Variants in PTPRQ observed in about 807,000 individuals in gnomAD.
PTPRQ encodes phosphatidylinositol phosphatase PTPRQ.
PTPRQ carries 199 observed loss-of-function variants against 246.0 expected under a neutral mutation model. The observed-to-expected ratio is 0.81, with a 90% CI of 0.72 to 0.91. PTPRQ has a LOEUF of 0.91. Ranked by LOEUF, PTPRQ falls within the 40% of genes least tolerant of loss-of-function variation. The pLI, the probability that PTPRQ is intolerant of heterozygous loss-of-function variation, is 0.00. For synonymous variants in PTPRQ, 869 were observed against 853.2 expected, an observed-to-expected ratio of 1.02 and a Z score of -0.32; for missense variants, 2,624 against 2,528.4, an observed-to-expected ratio of 1.04 and a Z score of -0.81.
At chr12:80,585,959 C>T (rs1897603189) in intron 25 of PTPRQ, among the ~76,000 whole-genome samples, 1 of 147,772 alleles carries the variant, frequency 6.8e-6, no homozygotes, top group Admixed American at 6.8e-5. Context: ...GTTCAATTCC[C>T]ACCTATGAGT....
chr12:80,451,165 T>C (rs1305530264), intron 3 of PTPRQ, among the ~76,000 whole-genome samples: 2 of 152,134 alleles, frequency 1.3e-5, no homozygotes, highest in African/African-American at 2.4e-5. Context: ...TTTATTTGCA[T>C]AGAGGTGTTT....
intron 24 of PTPRQ, among the ~76,000 whole-genome samples, chr12:80,548,170 AC>A (rs1286493283): frequency 6.6e-6 from 1 of 152,038 alleles, no homozygotes; most frequent in East Asian, 1.9e-4. Flanking sequence ...ATAAAATTGT[AC>A]CCCAACATTC....
chr12:80,521,508 A>C (rs1202726925), intron 17 of PTPRQ, among the ~76,000 whole-genome samples: 1 of 152,186 alleles, frequency 6.6e-6, no homozygotes, highest in East Asian at 1.9e-4. Flanking sequence ...CTGACATTTA[A>C]GTCTTTAATC....
intron 35 of PTPRQ, among the ~76,000 whole-genome samples, chr12:80,638,227 C>T (rs1899729241): frequency 2.7e-5 from 4 of 150,638 alleles, no homozygotes; most frequent in East Asian, 2.0e-4. Context: ...CAAGATCACA[C>T]CATTGCACTC....
intron 13 of PTPRQ, 68 bp downstream of exon 13, chr12:80,496,174 C>T: frequency 1.3e-6 from 2 of 1,542,916 alleles, no homozygotes; most frequent in Non-Finnish European, 1.7e-6. Context: ...GCCTTCACTT[C>T]ATGCTACCTC....
intron 30 of PTPRQ, among the ~76,000 whole-genome samples, chr12:80,618,114 T>G (rs973757789): frequency 6.6e-6 from 1 of 151,208 alleles, no homozygotes; most frequent in Non-Finnish European, 1.5e-5. Context: ...ATACATTGAG[T>G]AAGAAATTTG....
chr12:80,678,556 C>A (rs952582666), intron 43 of PTPRQ, 46 bp from the exon 44 acceptor site: 10 of 1,497,618 alleles, frequency 6.7e-6, no homozygotes, highest in African/African-American at 2.8e-5. Context: ...CTTTATGAAA[C>A]TCTTCATCAA....
intron 29 of PTPRQ, among the ~76,000 whole-genome samples, chr12:80,615,078 C>T (rs925438858): frequency 2.0e-5 from 3 of 151,020 alleles, no homozygotes; most frequent in Non-Finnish European, 4.5e-5. Flanking sequence ...CTTCTTTGCA[C>T]ACTGCAATTT....
intron 27 of PTPRQ, among the ~76,000 whole-genome samples, chr12:80,606,082 T>C (rs1451252791): frequency 2.1e-4 from 31 of 151,024 alleles, no homozygotes; most frequent in Admixed American, 2.0e-3. Flanking sequence ...TTAAGGATGA[T>C]TGTAAGTTAT....
At chr12:80,612,404 C>G (rs1487607789) in intron 28 of PTPRQ, among the ~76,000 whole-genome samples, 3 of 150,164 alleles carry the variant, frequency 2.0e-5, no homozygotes, top group African/African-American at 7.3e-5. Context: ...AACAAACAAA[C>G]AAAAAATGAC....
In PTPRQ at chr12:80,450,987, G is replaced by A. The variant is rs140697068; in HGVS notation, c.390+5270G>A. ...CCTCCTTGTACCTCTGGTAGAATTC[G>A]GCTGTGAATCCGTCTGGTCCTGGAC... is the stretch of plus-strand genomic sequence containing the variant. On this transcript the variant is annotated intron_variant, in intron 3 of 44. Transcript: ENST00000644991. Among the ~76,000 whole-genome samples the A allele has an allele frequency of 6.5e-3, 986 of 152,248 alleles. 11 individuals carry two copies. Among genetic ancestry groups the A allele is most frequent in the African/African-American group, 0.022 (929 of 41,526 alleles).
At chr12:80,533,948 A>T (rs924481970) in intron 17 of PTPRQ, 67 bp from the exon 18 acceptor site, 15 of 1,191,082 alleles carry the variant, frequency 1.3e-5, no homozygotes, top group Non-Finnish European at 1.7e-5. Flanking sequence ...TTTTAATGTT[A>T]GTGTGCTCAA....
intron 19 of PTPRQ, among the ~76,000 whole-genome samples, chr12:80,536,171 G>A (rs1043528822): frequency 6.6e-6 from 1 of 152,170 alleles, no homozygotes; most frequent in Non-Finnish European, 1.5e-5. Context: ...TCCCTTAGTG[G>A]TAGAAATTAT....
intron 3 of PTPRQ, among the ~76,000 whole-genome samples, chr12:80,449,895 T>C (rs1198964615): frequency 2.0e-5 from 3 of 152,128 alleles, no homozygotes; most frequent in Non-Finnish European, 4.4e-5. Flanking sequence ...TAAAGTAGTT[T>C]TTTCCAATTC....
chr12:80,663,979 C>T (rs138284416), intron 39 of PTPRQ, among the ~76,000 whole-genome samples: 53 of 152,084 alleles, frequency 3.5e-4, no homozygotes, highest in African/African-American at 1.3e-3. Flanking sequence ...AACTGCATGC[C>T]TATTTGTTTC....
At chr12:80,527,694 T>A (rs1287182248) in intron 17 of PTPRQ, among the ~76,000 whole-genome samples, 1 of 152,142 alleles carries the variant, frequency 6.6e-6, no homozygotes, top group South Asian at 2.1e-4. Context: ...AAAGGAGACA[T>A]AACTACAGAT....
chr12:80,456,296 G>C (rs1592525120), intron 3 of PTPRQ, among the ~76,000 whole-genome samples: 1 of 152,086 alleles, frequency 6.6e-6, no homozygotes, highest in East Asian at 1.9e-4. Flanking sequence ...AATACTAATA[G>C]TGTGAGTCTT....
chr12:80,493,018 A>G (rs1451358000), intron 9 of PTPRQ, among the ~76,000 whole-genome samples: 1 of 151,986 alleles, frequency 6.6e-6, no homozygotes, highest in South Asian at 2.1e-4. Flanking sequence ...AACTCAAGTC[A>G]GAACAAAATC....
At chr12:80,513,920 C>T (rs1379446255) in intron 17 of PTPRQ, among the ~76,000 whole-genome samples, 1 of 152,164 alleles carries the variant, frequency 6.6e-6, no homozygotes, top group Non-Finnish European at 1.5e-5. Flanking sequence ...GAGAAAGGTA[C>T]TTCCACACCC....
Sources: allele counts gnomAD v4.1 joint callset (sites outside exome capture counted in the v4.1 genomes callset), GRCh38; gene constraint gnomAD v4.1.1; transcripts MANE v1.5; gene names NCBI Gene and HGNC (gene_info 2026-07-23, HGNC 2026-07-21).